Variants in HYAL4 observed in about 807,000 individuals in gnomAD.
HYAL4 encodes hyaluronidase 4.
A neutral mutation model predicts 35.2 loss-of-function variants in HYAL4; 37 were observed. The observed-to-expected ratio is 1.05, with a 90% CI of 0.81 to 1.38. The LOEUF is 1.38. HYAL4 is among the 40% of genes most tolerant of loss of function. The pLI is 0.00. For synonymous variants in HYAL4, 198 were observed against 203.2 expected, an observed-to-expected ratio of 0.97 and a Z score of 0.22; for missense variants, 572 against 572.4, an observed-to-expected ratio of 1.00 and a Z score of 0.01.
At chr7:123,840,857 A>T (rs1436311514), upstream of HYAL4, among the ~76,000 whole-genome samples, 2 of 151,972 alleles carry the variant, frequency 1.3e-5, no homozygotes, top group African/African-American at 4.8e-5. Context: ...GACCTTGCTG[A>T]AGTTGCTTAT....
At chr7:123,799,691 AT>A in the HYAL4 span, among the ~76,000 whole-genome samples, 1 of 151,636 alleles carries the variant, frequency 6.6e-6, no homozygotes, top group South Asian at 2.1e-4. Context: ...TTTGTTAATA[AT>A]TTTTCATTTA....
At chr7:123,826,485 G>A (rs1278449036), upstream of HYAL4, among the ~76,000 whole-genome samples, 2 of 152,100 alleles carry the variant, frequency 1.3e-5, no homozygotes, top group Non-Finnish European at 2.9e-5. Flanking sequence ...GTAAACAAAA[G>A]CACTTATGAC....
At chr7:123,804,848 A>G in the HYAL4 span, among the ~76,000 whole-genome samples, 1 of 152,242 alleles carries the variant, frequency 6.6e-6, no homozygotes, top group East Asian at 1.9e-4. Flanking sequence ...AAGTCCTTCA[A>G]TAGATCTTTA....
upstream of HYAL4, among the ~76,000 whole-genome samples, chr7:123,824,628 A>T (rs114806535): frequency 4.0e-3 from 614 of 152,122 alleles, 4 homozygotes; most frequent in African/African-American, 0.014. Context: ...TGAACAATGC[A>T]GGCTTTAGCT....
rs1485657995 is a variant in HYAL4 at position 123,876,955 on chromosome 7, A to G, written c.1246A>G (p.Thr416Ala). The G allele has an allele frequency of 5.6e-6, 9 of 1,614,046 alleles. No homozygotes were observed. In the Admixed American group the frequency reaches 8.3e-5, roughly 15 times the overall value. ...AGAGGCCTCTGAGGACGGGGAGTTT[A>G]CTGTGAAAGGAAAAGCATCTGATAC... is the stretch of plus-strand genomic sequence containing the variant. ...HIEASEDGEFTVKGKASDTDL... is the reference protein window; with the variant it reads ...HIEASEDGEFAVKGKASDTDL... The change falls in exon 5 of 5, where the codon ACT (threonine) becomes GCT (alanine). Residue 416 changes from threonine to alanine, a missense_variant. Thr to Ala is a moderately conservative substitution (Grantham distance 58). Transcript: ENST00000223026.
upstream of HYAL4, among the ~76,000 whole-genome samples, chr7:123,824,136 TGA>T (rs1805767261): frequency 6.6e-6 from 1 of 152,202 alleles, no homozygotes; most frequent in Non-Finnish European, 1.5e-5. Context: ...TGTGTGACCT[TGA>T]TCAAGTAATT....
chr7:123,823,860 C>G, the HYAL4 span, among the ~76,000 whole-genome samples: 1 of 151,798 alleles, frequency 6.6e-6, no homozygotes, highest in Non-Finnish European at 1.5e-5. Flanking sequence ...CACAAAATAA[C>G]TACTACTTTT....
the HYAL4 span, among the ~76,000 whole-genome samples, chr7:123,806,277 A>G: frequency 6.6e-6 from 1 of 152,204 alleles, no homozygotes; most frequent in Non-Finnish European, 1.5e-5. Context: ...AGTAAGTTCC[A>G]TAGGTGGGCT....
chr7:123,790,141 C>T, the HYAL4 span, among the ~76,000 whole-genome samples: 4 of 152,108 alleles, frequency 2.6e-5, no homozygotes, highest in Non-Finnish European at 5.9e-5. Flanking sequence ...CCACATTAGC[C>T]AATTCAAGTT....
the HYAL4 span, among the ~76,000 whole-genome samples, chr7:123,767,351 G>A: frequency 6.6e-6 from 1 of 152,042 alleles, no homozygotes; most frequent in East Asian, 1.9e-4. Flanking sequence ...TGGTGAACTG[G>A]ATCTATCTGT....
At chr7:123,856,869 C>T (rs1806448726) in intron 2 of HYAL4, among the ~76,000 whole-genome samples, 1 of 152,202 alleles carries the variant, frequency 6.6e-6, no homozygotes, top group African/African-American at 2.4e-5. Context: ...GCCTTTCTTT[C>T]AGTGATGCCC....
At chr7:123,764,705 A>C in the HYAL4 span, among the ~76,000 whole-genome samples, 2 of 152,148 alleles carry the variant, frequency 1.3e-5, no homozygotes, top group Non-Finnish European at 2.9e-5. Flanking sequence ...CCCAATGCTA[A>C]ATATTTTATT....
chr7:123,813,633 A>G, the HYAL4 span, among the ~76,000 whole-genome samples: 2 of 152,226 alleles, frequency 1.3e-5, no homozygotes, highest in African/African-American at 4.8e-5. Context: ...AAGCCAGTGC[A>G]TTTCAAATTG....
At chr7:123,869,280 A>G in intron 3 of HYAL4, 53 bp downstream of exon 3, 1 of 1,189,052 alleles carries the variant, frequency 8.4e-7, no homozygotes, top group Non-Finnish European at 1.2e-6. Context: ...CTCTAAAAGG[A>G]CATTTCTTTG....
the HYAL4 span, among the ~76,000 whole-genome samples, chr7:123,788,279 A>G: frequency 6.6e-6 from 1 of 152,334 alleles, no homozygotes; most frequent in East Asian, 1.9e-4. Context: ...ATCTTGTCTC[A>G]GAAAAAAATG....
chr7:123,848,574 C>A (rs1806226180), intron 2 of HYAL4, among the ~76,000 whole-genome samples: 1 of 152,210 alleles, frequency 6.6e-6, no homozygotes, highest in African/African-American at 2.4e-5. Flanking sequence ...CATAGGAACA[C>A]ATGACTTCAT....
the HYAL4 span, among the ~76,000 whole-genome samples, chr7:123,802,445 A>G: frequency 6.6e-6 from 1 of 152,206 alleles, no homozygotes; most frequent in Admixed American, 6.5e-5. Context: ...TTTGACTTAA[A>G]TGGAACTTAT....
At chr7:123,850,180 T>G (rs1806271812) in intron 2 of HYAL4, among the ~76,000 whole-genome samples, 1 of 152,216 alleles carries the variant, frequency 6.6e-6, no homozygotes, top group Non-Finnish European at 1.5e-5. Flanking sequence ...CAGCCTTGCT[T>G]GTAAATTAGA....
chr7:123,833,343 A>G (rs564098616), intron 1 of HYAL4, among the ~76,000 whole-genome samples: 1 of 152,084 alleles, frequency 6.6e-6, no homozygotes, highest in East Asian at 1.9e-4. Context: ...GATATTGAAC[A>G]TTTTTTCATA....
Sources: gnomAD v4.1 joint callset for allele counts (sites outside exome capture counted in the v4.1 genomes callset) on GRCh38, gnomAD v4.1.1 for gene constraint, MANE v1.5 for transcripts, NCBI Gene and HGNC (gene_info 2026-07-23, HGNC 2026-07-21) for gene names.